ALDH1L1: variants seen among roughly 807,000 people sequenced by gnomAD.
ALDH1L1 encodes the protein aldehyde dehydrogenase 1 family member L1.
ALDH1L1 carries 68 observed loss-of-function variants against 101.1 expected under a neutral mutation model. The observed-to-expected ratio is 0.67, with a 90% confidence interval of 0.55 to 0.82. The LOEUF is 0.82. ALDH1L1 is among the 40% of genes least tolerant of loss of function. The probability of loss-of-function intolerance (pLI) is 0.00; values close to 1 mark genes in which losing one functional copy is unlikely to be tolerated. For synonymous variants in ALDH1L1, 486 were observed against 470.8 expected, an observed-to-expected ratio of 1.03 and a Z score of -0.42; for missense variants, 1,087 against 1,172.7, an observed-to-expected ratio of 0.93 and a Z score of 1.07.
At chr3:126,123,243 G>A (rs958413713) in intron 16 of ALDH1L1, among the ~76,000 whole-genome samples, 1 of 147,030 alleles carries the variant, frequency 6.8e-6, no homozygotes, top group Non-Finnish European at 1.5e-5. Context: ...AAGGTGTGAG[G>A]TATCACCAAA....
upstream of ALDH1L1, among the ~76,000 whole-genome samples, chr3:126,181,997 G>A (rs774784659): frequency 2.0e-5 from 3 of 152,076 alleles, no homozygotes; most frequent in Non-Finnish European, 4.4e-5. Context: ...TCTTTGTCCA[G>A]AGAACCCCCA....
At chr3:126,127,887 T>A (rs2080221046) in intron 14 of ALDH1L1, among the ~76,000 whole-genome samples, 1 of 152,158 alleles carries the variant, frequency 6.6e-6, no homozygotes, top group Non-Finnish European at 1.5e-5. Flanking sequence ...GTCTGAATGC[T>A]CACACAGAGA....
chr3:126,195,095 G>A lies in ALDH1L1; in HGVS notation c.-24+2640C>T, dbSNP rs1387150571. ...CCTTCTTTGCATAGCCAAGATGCAT[G>A]GCTAATTCCACATGTCCCCAGGCCT... On this transcript the variant is annotated intron_variant, in intron 1 of 2. Transcript: ENST00000509952. Among the ~76,000 whole-genome samples the A allele has an allele frequency of 2.0e-5, 3 of 151,652 alleles. No individual in the cohort carries two copies. In the East Asian group the frequency reaches 5.8e-4, roughly 29 times the overall value.
intron 8 of ALDH1L1, among the ~76,000 whole-genome samples, chr3:126,149,245 T>C (rs2080760075): frequency 6.6e-6 from 1 of 152,330 alleles, no homozygotes; most frequent in Non-Finnish European, 1.5e-5. Flanking sequence ...GTGTACTGAG[T>C]TCCTCAAAGA....
At chr3:126,182,760 C>T (rs1210720205), upstream of ALDH1L1, among the ~76,000 whole-genome samples, 1 of 152,154 alleles carries the variant, frequency 6.6e-6, no homozygotes, top group African/African-American at 2.4e-5. Flanking sequence ...GGAATCCATA[C>T]TCTTAGAGGT....
chr3:126,187,687 T>A (rs543792405), intron 1 of ALDH1L1, among the ~76,000 whole-genome samples: 5 of 152,098 alleles, frequency 3.3e-5, no homozygotes, highest in African/African-American at 4.8e-5. Flanking sequence ...ATGGTTTCAG[T>A]GAAAATCAAA....
chr3:126,114,772 AC>A, intron 17 of ALDH1L1, 116 bp from the exon 18 acceptor site: 1 of 979,150 alleles, frequency 1.0e-6, no homozygotes, highest in South Asian at 1.3e-5. Context: ...AAGAAGCAAG[AC>A]CCGGCCAGTG....
At chr3:126,167,761 A>G (rs911112057) in intron 1 of ALDH1L1, among the ~76,000 whole-genome samples, 15 of 152,150 alleles carry the variant, frequency 9.9e-5, no homozygotes, top group Non-Finnish European at 5.9e-5. Flanking sequence ...GTATTGCCCA[A>G]CTAAACTTTG....
Position 126,158,567 on chromosome 3 carries a change from G to A in ALDH1L1, c.200C>T (p.Pro67Leu), listed in dbSNP as rs1361223330. The change falls in exon 3 of 23, where the codon CCT (proline) becomes CTT (leucine). Residue 67 changes from proline to leucine, a missense_variant. By Grantham distance (98) the Pro-to-Leu change is moderately conservative. This residue lies in a region of ALDH1L1 where 645 missense variants were observed against 637.0 expected (regional missense o/e 1.01). Coordinates refer to ENST00000393434, the MANE Select transcript of ALDH1L1 (RefSeq NM_012190.4). ...SRWRAKGQAL[P>L]DVVAKYQALG... ...AGCCTGGTATTTTGCCACCACATCA[G>A]GCAAAGCCTGTCCTTTTGCACGCCA... The A allele has an allele frequency of 7.4e-6, 12 of 1,614,212 alleles. No individual in the cohort carries two copies. The highest frequency in any genetic ancestry group is 1.0e-5 in the Non-Finnish European group (12 of 1,180,036).
chr3:126,191,201 GACAATCT>G (rs910117145), intron 1 of ALDH1L1, among the ~76,000 whole-genome samples: 5 of 152,222 alleles, frequency 3.3e-5, no homozygotes, highest in African/African-American at 7.2e-5. Context: ...TTCATTAGAT[GACAATCT>G]ACTTGCTGAA....
chr3:126,125,650 G>A lies in ALDH1L1; in HGVS notation c.1766C>T (p.Ala589Val). The change falls in exon 15 of 23, where the codon GCT (alanine) becomes GTT (valine). Residue 589 changes from alanine (A) to valine (V), a missense_variant. Coordinates refer to ENST00000393434, the MANE Select transcript of ALDH1L1 (RefSeq NM_012190.4). ...MLSWKTAACLAAGNTVVIKPA... is the reference protein window; with the variant it reads ...MLSWKTAACLVAGNTVVIKPA... ...CTTGATCACCACTGTGTTCCCGGCA[G>A]CCAGGCAGGCAGCTGTCTTCCAGGA... 6.3e-7 allele frequency: 1 copy of A among 1,599,488 alleles called. No individual in the cohort carries two copies.
chr3:126,127,755 C>T (rs896363910), intron 14 of ALDH1L1, among the ~76,000 whole-genome samples: 4 of 152,188 alleles, frequency 2.6e-5, no homozygotes, highest in African/African-American at 9.6e-5. Context: ...CGCGTGCAGG[C>T]ACAGTGAGGG....
At chr3:126,136,711 G>A (rs1011774748) in intron 11 of ALDH1L1, 53 bp downstream of exon 11, 1 of 1,550,702 alleles carries the variant, frequency 6.4e-7, no homozygotes, top group Admixed American at 2.0e-5. Flanking sequence ...GGCAGGGAAG[G>A]AAGGACAGGG....
chr3:126,136,823 C>G lies in ALDH1L1; in HGVS notation c.1285G>C (p.Glu429Gln), dbSNP rs767602691. ...TTGGCGCCCTCGGCATCCACGAACTCCCCCCCAATGAAGAGCTGGTGGGGC... is the reference window on the plus strand; with the variant it reads ...TTGGCGCCCTCGGCATCCACGAACTGCCCCCCAATGAAGAGCTGGTGGGGC... ...RMPHQLFIGG[E>Q]FVDAEGAKTS... Residue 429 changes from glutamate (E) to glutamine (Q), a missense_variant, in exon 11 of 23, where the codon GAG becomes CAG. This residue lies in a region of ALDH1L1 where 645 missense variants were observed against 637.0 expected (regional missense o/e 1.01). Coordinates refer to ENST00000393434, the MANE Select transcript of ALDH1L1 (RefSeq NM_012190.4). The G allele has an allele frequency of 5.6e-6, 9 of 1,608,118 alleles. No homozygotes were observed. Among genetic ancestry groups the G allele is most frequent in the East Asian group, 2.2e-5 (1 of 44,772 alleles).
At chr3:126,157,628 A>AC in intron 3 of ALDH1L1, 120 bp from the exon 4 acceptor site, 1 of 1,113,892 alleles carries the variant, frequency 9.0e-7, no homozygotes, top group Non-Finnish European at 1.3e-6. Flanking sequence ...GGTAGGACTG[A>AC]CACCGGCTCC....
chr3:126,129,055 G>A (rs2080244197), intron 14 of ALDH1L1: 1 of 152,336 alleles, frequency 6.6e-6, no homozygotes, highest in African/African-American at 2.4e-5. Flanking sequence ...TTTGTTGTGG[G>A]GGGCTGTACT....
chr3:126,164,336 G>A (rs933274258), intron 1 of ALDH1L1, among the ~76,000 whole-genome samples: 2 of 152,176 alleles, frequency 1.3e-5, no homozygotes, highest in Non-Finnish European at 2.9e-5. Context: ...TTGCACCCAG[G>A]TAGTAAGCAC....
chr3:126,193,030 G>A (rs2081561744), intron 1 of ALDH1L1, among the ~76,000 whole-genome samples: 1 of 152,186 alleles, frequency 6.6e-6, no homozygotes, highest in African/African-American at 2.4e-5. Context: ...GTGTGTGAGT[G>A]GTTGAAGTAT....
At chr3:126,194,592 G>A (rs183831452) in intron 1 of ALDH1L1, among the ~76,000 whole-genome samples, 129 of 152,184 alleles carry the variant, frequency 8.5e-4, no homozygotes, top group African/African-American at 3.0e-3. Flanking sequence ...TTCAATGTTC[G>A]ATTTATGGAA....
Sources: allele counts gnomAD v4.1 joint callset (sites outside exome capture counted in the v4.1 genomes callset), GRCh38; gene constraint gnomAD v4.1.1; regional missense constraint gnomAD v4.1.1; transcripts MANE v1.5; gene names NCBI Gene and HGNC (gene_info 2026-07-23, HGNC 2026-07-21).